The following CBLB variants were observed in gnomAD, a reference collection of about 807,000 sequenced individuals.
The protein encoded by CBLB is Cbl proto-oncogene B.
CBLB carries 31 observed loss-of-function variants against 104.9 expected under a neutral mutation model. The ratio of observed to expected loss-of-function variants is 0.30; its 90% CI spans 0.22 to 0.40. The LOEUF is 0.40. Among genes scored for constraint, CBLB ranks in the 10% least tolerant of loss-of-function variants. CBLB has a pLI of 1.00. For missense variants in CBLB, 1,062 were observed against 1,214.6 expected (o/e 0.87, Z 1.87); for synonymous variants, 440 against 422.6 (o/e 1.04, Z -0.51).
chr3:105,676,000 T>C lies in CBLB; in HGVS notation c.2569+2431A>G, dbSNP rs77012259. On this transcript the variant is annotated intron_variant, in intron 17 of 18. Transcript: ENST00000394030. ...CAAAAAAGTTGCCTTTTTTTTTTTTTAAGAAATACTTATTATAAGGGATGT... is the reference window on the plus strand; with the variant it reads ...CAAAAAAGTTGCCTTTTTTTTTTTTCAAGAAATACTTATTATAAGGGATGT... Among the ~76,000 whole-genome samples the C allele has an allele frequency of 7.3e-5, 11 of 150,562 alleles. No homozygotes were observed. In the East Asian group the frequency reaches 2.0e-3, roughly 27 times the overall value.
At chr3:105,757,456 G>A (rs1259436337) in intron 4 of CBLB, among the ~76,000 whole-genome samples, 2 of 152,122 alleles carry the variant, frequency 1.3e-5, no homozygotes, top group Admixed American at 6.5e-5. Context: ...ACTTTCTGAC[G>A]CGCTGAGAGA....
chr3:105,799,473 T>C (rs187068596), intron 3 of CBLB, among the ~76,000 whole-genome samples: 4 of 152,282 alleles, frequency 2.6e-5, no homozygotes, highest in Admixed American at 2.6e-4. Flanking sequence ...TCATATAAAG[T>C]TATTCTATGC....
rs1263299530 is a variant in CBLB at position 105,770,086 on chromosome 3, T to TG, written c.566+6309_566+6310insC. ...ATCTTCTCAATGCTAATTTTTGTTT[T>TG]TTTTTTTTTTTCAAGATGGCAGACT... On this transcript the variant is annotated intron_variant, in intron 4 of 18. Coordinates refer to ENST00000394030, the MANE Select transcript of CBLB (RefSeq NM_170662.5). Among the ~76,000 whole-genome samples, 1,360 of 150,934 alleles carry TG rather than the reference T, an allele frequency of 9.0e-3. 12 individuals carry two copies. Among genetic ancestry groups the TG allele is most frequent in the Middle Eastern group, 0.021 (6 of 290 alleles).
chr3:105,788,332 G>T (rs546518672), intron 3 of CBLB, among the ~76,000 whole-genome samples: 1 of 152,124 alleles, frequency 6.6e-6, no homozygotes, highest in South Asian at 2.1e-4. Context: ...TATTACAACG[G>T]TGAAAAGCTC....
chr3:105,833,098 G>C (rs1051411596), intron 3 of CBLB, among the ~76,000 whole-genome samples: 1 of 152,174 alleles, frequency 6.6e-6, no homozygotes, highest in Non-Finnish European at 1.5e-5. Flanking sequence ...ACCTGAGGGA[G>C]AGTGTCGTGA....
At chr3:105,817,349 T>C (rs1402223920) in intron 3 of CBLB, among the ~76,000 whole-genome samples, 1 of 151,848 alleles carries the variant, frequency 6.6e-6, no homozygotes, top group African/African-American at 2.4e-5. Flanking sequence ...AAGATTATTT[T>C]TAAGGGAGAG....
chr3:105,725,706 CA>C (rs1448606591), intron 9 of CBLB, among the ~76,000 whole-genome samples: 5 of 152,078 alleles, frequency 3.3e-5, no homozygotes, highest in Admixed American at 3.3e-4. Context: ...TGGTTAAAGA[CA>C]AAAGTGCCAA....
At chr3:105,845,428 A>G (rs2090119035) in intron 3 of CBLB, among the ~76,000 whole-genome samples, 1 of 151,702 alleles carries the variant, frequency 6.6e-6, no homozygotes. Flanking sequence ...TAGCAAATAA[A>G]TGTATTACAA....
chr3:105,836,411 T>C (rs1036645708), intron 3 of CBLB, among the ~76,000 whole-genome samples: 2 of 152,216 alleles, frequency 1.3e-5, no homozygotes, highest in Admixed American at 6.5e-5. Context: ...AATTTAATTG[T>C]GTAAGAACTA....
chr3:105,773,423 A>G (rs1459561049), intron 4 of CBLB, among the ~76,000 whole-genome samples: 1 of 152,128 alleles, frequency 6.6e-6, no homozygotes, highest in African/African-American at 2.4e-5. Context: ...AAAAGACTAC[A>G]CTACATATTA....
chr3:105,678,152 T>G (rs952352572), intron 17 of CBLB, among the ~76,000 whole-genome samples: 2 of 152,168 alleles, frequency 1.3e-5, no homozygotes, highest in African/African-American at 2.4e-5. Flanking sequence ...GTTCTCAGGG[T>G]TGCATTTGTA....
chr3:105,788,708 G>A (rs533169400), intron 3 of CBLB, among the ~76,000 whole-genome samples: 7 of 152,224 alleles, frequency 4.6e-5, no homozygotes, highest in African/African-American at 1.4e-4. Flanking sequence ...AATTAAAAAT[G>A]GCCACAAAAT....
At chr3:105,704,385 A>G (rs2069743117) in intron 10 of CBLB, among the ~76,000 whole-genome samples, 2 of 152,202 alleles carry the variant, frequency 1.3e-5, no homozygotes. Context: ...AGTTTTTCCT[A>G]CATATTGCAG....
chr3:105,735,804 G>C (rs2074864702), intron 8 of CBLB, among the ~76,000 whole-genome samples: 1 of 152,098 alleles, frequency 6.6e-6, no homozygotes. Flanking sequence ...AAATTAGCCG[G>C]AAGTGGTGGC....
At chr3:105,733,324 T>C (rs2074543706) in intron 9 of CBLB, among the ~76,000 whole-genome samples, 1 of 147,034 alleles carries the variant, frequency 6.8e-6, no homozygotes, top group African/African-American at 2.5e-5. Flanking sequence ...GCCACTGCAC[T>C]CCAGCCTGGG....
Position 105,678,512 on chromosome 3 carries a change from G to A in CBLB, c.2488C>T (p.His830Tyr), listed in dbSNP as rs1359077385. Residue 830 changes from histidine (H) to tyrosine (Y), a missense_variant, in exon 17 of 19, where the codon CAT becomes TAT. Transcript: ENST00000394030. ...SLPPPPPPAR[H>Y]SLIEHSKPPG... ...GGTTTTGAATGTTCAATGAGACTAT[G>A]CCTTGCAGGAGGTGGGGGAGGTGGG... is the stretch of plus-strand genomic sequence containing the variant. The A allele has an allele frequency of 2.5e-6, 4 of 1,613,790 alleles. No individual in the cohort carries two copies. In the Admixed American group the frequency reaches 5.0e-5, roughly 20 times the overall value.
chr3:105,858,954 C>T (rs925480347), intron 2 of CBLB, among the ~76,000 whole-genome samples: 1 of 152,072 alleles, frequency 6.6e-6, no homozygotes, highest in South Asian at 2.1e-4. Context: ...CATTCCAATA[C>T]ATAAATATGT....
intron 6 of CBLB, among the ~76,000 whole-genome samples, chr3:105,743,125 A>AT (rs1443985569): frequency 6.6e-6 from 1 of 152,066 alleles, no homozygotes; most frequent in Non-Finnish European, 1.5e-5. Flanking sequence ...TTTTTGGCTT[A>AT]TTTTTAGCAC....
At position 105,750,307 on chromosome 3, in the gene CBLB, T is replaced by G. The variant is rs186446054; in HGVS notation, c.723+1155A>C. ...AAAGCTAATCCTGTGCATTGTGGTT[T>G]TTATTACAAAAACCAGTCATCCAAT... On this transcript the variant is annotated intron_variant, in intron 5 of 18. Coordinates refer to ENST00000394030, the MANE Select transcript of CBLB (RefSeq NM_170662.5). Among the ~76,000 whole-genome samples, 69 of 152,256 alleles carry G rather than the reference T, an allele frequency of 4.5e-4. 1 individual carries two copies. Among genetic ancestry groups the G allele is most frequent in the African/African-American group, 1.6e-3 (68 of 41,566 alleles).
Sources: gnomAD v4.1 joint callset for allele counts (sites outside exome capture counted in the v4.1 genomes callset) on GRCh38, gnomAD v4.1.1 for gene constraint, MANE v1.5 for transcripts, NCBI Gene and HGNC (gene_info 2026-07-23, HGNC 2026-07-21) for gene names.